SYT1: variants seen among roughly 807,000 people sequenced by gnomAD.
SYT1 encodes the protein synaptotagmin 1.
Under a neutral mutation model 44.8 loss-of-function variants are expected in SYT1, and 8 were observed. That is an observed-to-expected ratio of 0.18 (90% CI 0.10 to 0.32). SYT1 has a LOEUF of 0.32. SYT1 is among the 10% of genes least tolerant of loss of function. The pLI is 1.00. For missense variants in SYT1, 286 were observed against 509.3 expected (o/e 0.56, Z 4.22); for synonymous variants, 154 against 188.8 (o/e 0.82, Z 1.51).
At chr12:79,179,532 G>GAGATATAGATATATCT (rs1872364007) in intron 3 of SYT1, among the ~76,000 whole-genome samples, 7 of 118,786 alleles carry the variant, frequency 5.9e-5, no homozygotes, top group East Asian at 2.5e-4. Flanking sequence ...TATAGATATA[G>GAGATATAGATATATCT]ATATAGATAT....
At chr12:79,364,958 G>C (rs989686807) in intron 9 of SYT1, among the ~76,000 whole-genome samples, 2 of 152,030 alleles carry the variant, frequency 1.3e-5, no homozygotes, top group African/African-American at 4.8e-5. Flanking sequence ...AAATAGCCCT[G>C]TGTTTAAATA....
At chr12:79,395,987 C>T (rs1290214473) in intron 9 of SYT1, among the ~76,000 whole-genome samples, 1 of 151,946 alleles carries the variant, frequency 6.6e-6, no homozygotes, top group Non-Finnish European at 1.5e-5. Context: ...TGCAATATAC[C>T]CAATAATACT....
At chr12:79,335,534 G>A (rs1021661840) in intron 8 of SYT1, among the ~76,000 whole-genome samples, 14 of 151,724 alleles carry the variant, frequency 9.2e-5, no homozygotes, top group African/African-American at 2.2e-4. Context: ...TTGCTCTTCC[G>A]ACTAGCTTAT....
intron 3 of SYT1, among the ~76,000 whole-genome samples, chr12:79,101,274 A>T (rs1878430307): frequency 6.6e-6 from 1 of 152,236 alleles, no homozygotes; most frequent in South Asian, 2.1e-4. Flanking sequence ...ATAACCGTAC[A>T]ATGGAATATT....
intron 2 of SYT1, among the ~76,000 whole-genome samples, chr12:79,016,062 C>A (rs557580618): frequency 3.9e-5 from 6 of 152,290 alleles, no homozygotes; most frequent in African/African-American, 1.4e-4. Flanking sequence ...CACTGAAACA[C>A]ATTCAGCTAA....
intron 3 of SYT1, among the ~76,000 whole-genome samples, chr12:79,052,110 A>C (rs1266837219): frequency 2.0e-5 from 3 of 152,094 alleles, no homozygotes; most frequent in Admixed American, 6.6e-5. Flanking sequence ...TCTATAAATT[A>C]CCTTGGGCAG....
chr12:79,395,482 G>C (rs899480081), intron 9 of SYT1, among the ~76,000 whole-genome samples: 3 of 152,194 alleles, frequency 2.0e-5, no homozygotes, highest in Non-Finnish European at 4.4e-5. Flanking sequence ...ACCTCCCAAA[G>C]TGTTGGGATT....
intron 3 of SYT1, among the ~76,000 whole-genome samples, chr12:79,207,466 C>T (rs796149824): frequency 1.3e-5 from 2 of 152,260 alleles, no homozygotes; most frequent in African/African-American, 4.8e-5. Flanking sequence ...CGTCCATCAA[C>T]CCATCACCTA....
At chr12:79,247,003 G>T (rs192288935) in intron 4 of SYT1, among the ~76,000 whole-genome samples, 1 of 152,286 alleles carries the variant, frequency 6.6e-6, no homozygotes, top group Admixed American at 6.5e-5. Flanking sequence ...AAGTAAAGAT[G>T]TACAGTTGCT....
chr12:78,955,798 ATT>A (rs1044376407), intron 1 of SYT1, among the ~76,000 whole-genome samples: 1 of 112,962 alleles, frequency 8.9e-6, no homozygotes, highest in Admixed American at 9.7e-5. Context: ...CTGCCAAGAT[ATT>A]TGTGTGTGTG....
intron 3 of SYT1, among the ~76,000 whole-genome samples, chr12:79,073,412 G>T (rs181209966): frequency 6.6e-6 from 1 of 152,260 alleles, no homozygotes; most frequent in Non-Finnish European, 1.5e-5. Flanking sequence ...ATGTTATATG[G>T]TGATAAATGC....
At chr12:79,049,136 A>G (rs187854415) in intron 3 of SYT1, among the ~76,000 whole-genome samples, 38 of 152,002 alleles carry the variant, frequency 2.5e-4, no homozygotes, top group Admixed American at 7.2e-4. Context: ...AAAGCCATCA[A>G]TGACTCCTTT....
At chr12:79,337,109 A>T (rs1882127084) in intron 8 of SYT1, among the ~76,000 whole-genome samples, 1 of 151,890 alleles carries the variant, frequency 6.6e-6, no homozygotes, top group Non-Finnish European at 1.5e-5. Flanking sequence ...TCACAGATAG[A>T]TTGTGTGCCA....
At chr12:79,371,503 G>A (rs981877543) in intron 9 of SYT1, among the ~76,000 whole-genome samples, 6 of 152,194 alleles carry the variant, frequency 3.9e-5, no homozygotes, top group African/African-American at 1.4e-4. Context: ...ATGCCCTAAT[G>A]AGCTAAAGAA....
intron 8 of SYT1, among the ~76,000 whole-genome samples, chr12:79,348,930 AGAAAG>A (rs1375553457): frequency 1.3e-5 from 2 of 150,018 alleles, no homozygotes; most frequent in Non-Finnish European, 2.9e-5. Flanking sequence ...GAAAAAAGAA[AGAAAG>A]GAAAGAAAAA....
chr12:78,993,945 C>T (rs1870189387), intron 2 of SYT1, among the ~76,000 whole-genome samples: 1 of 152,150 alleles, frequency 6.6e-6, no homozygotes, highest in African/African-American at 2.4e-5. Flanking sequence ...AAAGCTGACA[C>T]AACTTAATAA....
intron 10 of SYT1, among the ~76,000 whole-genome samples, chr12:79,445,990 CATATATATATATAT>C (rs59721146): frequency 1.2e-3 from 55 of 44,152 alleles, no homozygotes; most frequent in Middle Eastern, 0.026. Flanking sequence ...AATCCAAAGA[CATATATATATATAT>C]ATATATATAT....
intron 3 of SYT1, among the ~76,000 whole-genome samples, chr12:79,187,896 A>C (rs757270049): frequency 6.6e-6 from 1 of 152,144 alleles, no homozygotes; most frequent in East Asian, 1.9e-4. Context: ...TAATCTTTAC[A>C]TTCTGTTTCC....
At chr12:79,423,873 C>T (rs1321348181) in intron 9 of SYT1, among the ~76,000 whole-genome samples, 7 of 151,720 alleles carry the variant, frequency 4.6e-5, no homozygotes, top group Middle Eastern at 3.4e-3. Context: ...CCCAAGATAC[C>T]GGCTCTGGGT....
Sources: allele counts gnomAD v4.1 joint callset (sites outside exome capture counted in the v4.1 genomes callset), GRCh38; gene constraint gnomAD v4.1.1; transcripts MANE v1.5; gene names NCBI Gene and HGNC (gene_info 2026-07-23, HGNC 2026-07-21).